MSI2: variants seen among roughly 807,000 people sequenced by gnomAD.
The protein encoded by MSI2 is RNA-binding protein Musashi homolog 2.
In MSI2, 17 loss-of-function variants were observed where a neutral mutation model predicts 45.6. That is an observed-to-expected ratio of 0.37 (90% CI 0.26 to 0.56). The LOEUF is 0.56. MSI2 is among the 20% of genes least tolerant of loss of function. The pLI, the probability that MSI2 is intolerant of heterozygous loss-of-function variation, is 0.77. For synonymous variants in MSI2, 156 were observed against 158.2 expected, an observed-to-expected ratio of 0.99 and a Z score of 0.11; for missense variants, 293 against 444.2, an observed-to-expected ratio of 0.66 and a Z score of 3.06.
Position 57,257,127 on chromosome 17 carries a change from A to C in MSI2, c.92A>C (p.Gln31Pro). 1 of 938,558 alleles carries C rather than the reference A, an allele frequency of 1.1e-6. No individual in the cohort carries two copies. Among genetic ancestry groups the C allele is most frequent in the Non-Finnish European group, 1.6e-6 (1 of 622,654 alleles). The allele number at this position is 938,558 out of a possible 1,614,324, so 58.1% of individuals were successfully genotyped here. A position where few individuals can be genotyped will look rare whatever the true frequency, so the allele number is the denominator to read the frequency against. ...ATGTTTATCGGTGGACTGAGCTGGC[A>C]GACCTCACCAGGTAAGGGAGGGAGG... ...GKMFIGGLSW[Q>P]TSPDSLRDYF... The change falls in exon 2 of 14, where the codon CAG (glutamine) becomes CCG (proline). Residue 31 changes from glutamine to proline, a missense_variant. Transcript: ENST00000284073.
chr17:57,566,876 G>A (rs143124226), intron 7 of MSI2, among the ~76,000 whole-genome samples: 23 of 152,302 alleles, frequency 1.5e-4, no homozygotes, highest in Non-Finnish European at 2.8e-4. Flanking sequence ...TTCTCTGCCT[G>A]CCTGTGAAGC....
At chr17:57,699,218 C>G in the MSI2 span, among the ~76,000 whole-genome samples, 1 of 122,182 alleles carries the variant, frequency 8.2e-6, no homozygotes, top group East Asian at 2.6e-4. Flanking sequence ...TGAGAAAGGT[C>G]TTACCAATGC....
At chr17:57,442,107 G>A (rs542004193) in intron 6 of MSI2, among the ~76,000 whole-genome samples, 1 of 151,732 alleles carries the variant, frequency 6.6e-6, no homozygotes, top group Admixed American at 6.6e-5. Flanking sequence ...TGCGATCTCG[G>A]CTCACTGGGT....
intron 8 of MSI2, among the ~76,000 whole-genome samples, chr17:57,599,406 C>T (rs1905613624): frequency 6.6e-6 from 1 of 152,142 alleles, no homozygotes; most frequent in East Asian, 1.9e-4. Context: ...GGTGAATCCC[C>T]AGATAACCCG....
chr17:57,346,576 T>G (rs1037191176), intron 5 of MSI2, among the ~76,000 whole-genome samples: 3 of 152,222 alleles, frequency 2.0e-5, no homozygotes, highest in Non-Finnish European at 4.4e-5. Flanking sequence ...TTTTTGTTGT[T>G]TAAATCATTA....
Position 57,276,250 on chromosome 17 carries a change from G to T in MSI2, c.312+14058G>T, listed in dbSNP as rs574146060. Among the ~76,000 whole-genome samples the T allele has an allele frequency of 2.0e-5, 3 of 152,336 alleles. 1 individual carries two copies. The highest frequency in any genetic ancestry group is 3.4e-3 in the Middle Eastern group (1 of 294). ...ATCCAAGTCCATCGAGTTATGGGCC[G>T]TGTGGAGTTGTGATTGCTTTCCTTG... On this transcript the variant is annotated intron_variant, in intron 5 of 13. Transcript: ENST00000284073.
intron 5 of MSI2, among the ~76,000 whole-genome samples, chr17:57,340,735 T>A (rs1425119724): frequency 6.6e-6 from 1 of 152,142 alleles, no homozygotes; most frequent in Non-Finnish European, 1.5e-5. Context: ...ATTGGGTACT[T>A]GACCTTCTGA....
chr17:57,577,528 A>G (rs1567911871), intron 7 of MSI2, among the ~76,000 whole-genome samples: 1 of 152,220 alleles, frequency 6.6e-6, no homozygotes, highest in Non-Finnish European at 1.5e-5. Context: ...ATTACCAGTT[A>G]TTTACTGCCA....
At chr17:57,579,362 A>G (rs983450333) in intron 7 of MSI2, among the ~76,000 whole-genome samples, 2 of 152,118 alleles carry the variant, frequency 1.3e-5, no homozygotes, top group Admixed American at 6.5e-5. Flanking sequence ...CGCAGGGATG[A>G]TCTGGCCCCC....
At chr17:57,593,201 C>T (rs552831040) in intron 7 of MSI2, among the ~76,000 whole-genome samples, 17 of 152,262 alleles carry the variant, frequency 1.1e-4, no homozygotes, top group Admixed American at 6.5e-4. Context: ...GCAGGCCTGG[C>T]GGGAGGAGGT....
intron 7 of MSI2, among the ~76,000 whole-genome samples, chr17:57,595,149 T>A (rs1465918328): frequency 6.6e-6 from 1 of 152,158 alleles, no homozygotes; most frequent in Admixed American, 6.5e-5. Context: ...TAGAGTTGGA[T>A]GCATGAGAGT....
intron 6 of MSI2, among the ~76,000 whole-genome samples, chr17:57,405,148 C>A (rs1428600907): frequency 6.6e-6 from 1 of 152,120 alleles, no homozygotes; most frequent in East Asian, 1.9e-4. Context: ...CCTGGGACAG[C>A]CTGATGGGTT....
chr17:57,296,461 T>C (rs1182893156), intron 5 of MSI2, among the ~76,000 whole-genome samples: 1 of 152,188 alleles, frequency 6.6e-6, no homozygotes, highest in Admixed American at 6.5e-5. Flanking sequence ...TTTATCTCAC[T>C]GTGGATCAAA....
the MSI2 span, among the ~76,000 whole-genome samples, chr17:57,697,412 A>G: frequency 2.0e-5 from 3 of 151,726 alleles, no homozygotes; most frequent in Non-Finnish European, 4.4e-5. Flanking sequence ...GTCTTCGCCC[A>G]CACTCTCTCC....
intron 5 of MSI2, chr17:57,262,582 A>G (rs1907419818): frequency 5.7e-6 from 1 of 174,098 alleles, no homozygotes; most frequent in African/African-American, 2.4e-5. Flanking sequence ...AATGCAGAGG[A>G]GTAGAGTTTG....
rs567652950 is a variant in MSI2 at position 57,378,155 on chromosome 17, C to T, written c.313-23224C>T. 2.5e-4 allele frequency among the ~76,000 whole-genome samples: 38 copies of T among 152,158 alleles called. 1 individual carries two copies. In the South Asian group the frequency reaches 7.5e-3, roughly 30 times the overall value. On this transcript the variant is annotated intron_variant, in intron 5 of 13. Transcript: ENST00000284073. ...GGCGGAGTTTTGCTCTGTCGTGTCC[C>T]GGGCTGGAGTGCAATGGCGCACACA...
intron 6 of MSI2, among the ~76,000 whole-genome samples, chr17:57,478,112 A>G (rs1471344281): frequency 6.6e-6 from 1 of 152,148 alleles, no homozygotes; most frequent in Non-Finnish European, 1.5e-5. Context: ...CGTGCTCTGT[A>G]GTCTCTTAGC....
At chr17:57,646,474 G>A (rs1436606286) in intron 10 of MSI2, among the ~76,000 whole-genome samples, 3 of 152,180 alleles carry the variant, frequency 2.0e-5, no homozygotes, top group Non-Finnish European at 4.4e-5. Context: ...CAGAGGACTT[G>A]GGTTTATCAT....
At chr17:57,656,012 C>T (rs1005631) in intron 11 of MSI2, among the ~76,000 whole-genome samples, 121,294 of 152,224 alleles carry the variant, frequency 0.8, 48,751 homozygotes, top group African/African-American at 0.85. Flanking sequence ...ATGCATGCAC[C>T]GTAGTAGATG....
Sources: allele counts gnomAD v4.1 joint callset (sites outside exome capture counted in the v4.1 genomes callset), GRCh38; gene constraint gnomAD v4.1.1; transcripts MANE v1.5; gene names NCBI Gene and HGNC (gene_info 2026-07-23, HGNC 2026-07-21).